UBE3D: variants seen among roughly 807,000 people sequenced by gnomAD.
UBE3D encodes E3 ubiquitin-protein ligase E3D.
Under a neutral mutation model 49.6 loss-of-function variants are expected in UBE3D, and 48 were observed. That is an observed-to-expected ratio of 0.97 (90% CI 0.77 to 1.23). UBE3D has a LOEUF of 1.23. Among genes scored for constraint, UBE3D ranks in the 50% most tolerant of loss-of-function variants. UBE3D has a pLI of 0.00. For synonymous variants in UBE3D, 189 were observed against 174.2 expected (o/e 1.08, Z -0.67); for missense variants, 452 against 468.4 (o/e 0.96, Z 0.32).
chr6:83,045,045 A>C (rs986388038), intron 3 of UBE3D, among the ~76,000 whole-genome samples: 1 of 152,174 alleles, frequency 6.6e-6, no homozygotes, highest in Non-Finnish European at 1.5e-5. Context: ...CCATAAGTAC[A>C]TCAAAACTTT....
intron 5 of UBE3D, among the ~76,000 whole-genome samples, chr6:83,035,864 G>C (rs1243796641): frequency 6.6e-6 from 1 of 152,122 alleles, no homozygotes; most frequent in Non-Finnish European, 1.5e-5. Flanking sequence ...TGGTTGTCCT[G>C]AAAGGCTCAA....
In UBE3D at chr6:82,919,969, CTG is replaced by C. The variant is rs529301456; in HGVS notation, c.1150-26929_1150-26928del. 3.3e-5 allele frequency among the ~76,000 whole-genome samples: 5 copies of C among 152,308 alleles called. 1 individual carries two copies. In the South Asian group the frequency reaches 1.0e-3, roughly 32 times the overall value. ...TCATTGAAAACACTACTTGAGAAAACTGTACATCAAGTATCACCGAATGAAAT... is the reference window on the plus strand; with the variant it reads ...TCATTGAAAACACTACTTGAGAAAACTACATCAAGTATCACCGAATGAAAT... On this transcript the variant is annotated intron_variant, in intron 9 of 9. Transcript: ENST00000369747.
At chr6:83,020,441 T>G (rs1419256572) in intron 7 of UBE3D, among the ~76,000 whole-genome samples, 1 of 151,906 alleles carries the variant, frequency 6.6e-6, no homozygotes. Context: ...CATATCAGAC[T>G]GTTAATACTG....
intron 8 of UBE3D, among the ~76,000 whole-genome samples, chr6:82,994,550 G>T (rs760567215): frequency 6.6e-6 from 1 of 152,164 alleles, no homozygotes; most frequent in Non-Finnish European, 1.5e-5. Flanking sequence ...GGGTATGATT[G>T]CAATGACCAA....
rs560992197 is a variant in UBE3D, at chr6:82,961,012, T to C, written c.1011-3562A>G. Among the ~76,000 whole-genome samples the C allele has an allele frequency of 1.5e-3, 236 of 152,300 alleles. 1 individual carries two copies. The highest frequency in any genetic ancestry group is 4.5e-3 in the Admixed American group (69 of 15,300). On this transcript the variant is annotated intron_variant, in intron 8 of 9. Transcript: ENST00000369747. ...TGAATCTCTTGCCCTGGATTGTGAA[T>C]GTTCCTTGGGAACTCATCAGTGAAT... is the stretch of plus-strand genomic sequence containing the variant.
chr6:83,029,769 G>A (rs1345718791), intron 5 of UBE3D, among the ~76,000 whole-genome samples: 1 of 152,104 alleles, frequency 6.6e-6, no homozygotes, highest in South Asian at 2.1e-4. Flanking sequence ...GCCTGGACTC[G>A]AACTGTGAAA....
intron 3 of UBE3D, among the ~76,000 whole-genome samples, chr6:83,046,681 T>TGGGGGGGGGGGGG (rs1554211672): frequency 2.0e-5 from 1 of 50,068 alleles, no homozygotes; most frequent in African/African-American, 7.4e-5. Flanking sequence ...GCGGGGGGGG[T>TGGGGGGGGGGGGG]GGGCGGTGGC....
intron 9 of UBE3D, among the ~76,000 whole-genome samples, chr6:82,942,742 A>C (rs911422626): frequency 6.6e-6 from 1 of 152,166 alleles, no homozygotes; most frequent in Non-Finnish European, 1.5e-5. Flanking sequence ...ATTTCAGAGG[A>C]TGTATGGAAA....
At chr6:82,904,399 G>C (rs766640124) in intron 9 of UBE3D, among the ~76,000 whole-genome samples, 2 of 152,200 alleles carry the variant, frequency 1.3e-5, no homozygotes, top group African/African-American at 2.4e-5. Context: ...TCAGCAGTTT[G>C]TACACTGCTA....
intron 8 of UBE3D, among the ~76,000 whole-genome samples, chr6:82,982,188 CAATA>C (rs1778159997): frequency 6.6e-6 from 1 of 152,144 alleles, no homozygotes; most frequent in African/African-American, 2.4e-5. Flanking sequence ...TATTCCCACC[CAATA>C]CTCTCAACCC....
intron 9 of UBE3D, among the ~76,000 whole-genome samples, chr6:82,901,048 G>A (rs1390272031): frequency 6.6e-6 from 1 of 152,030 alleles, no homozygotes; most frequent in African/African-American, 2.4e-5. Flanking sequence ...CACACAAAAA[G>A]AAAAATTTTG....
chr6:82,950,771 C>A lies in UBE3D; in HGVS notation c.1149+6541G>T, dbSNP rs114433743. On this transcript the variant is annotated intron_variant, in intron 9 of 9. Coordinates refer to ENST00000369747, the MANE Select transcript of UBE3D (RefSeq NM_198920.3). ...TACACACAATGGAATACTTGTCAGC[C>A]ATAAAACTCAATGAGATCTTGTCAT... Among the ~76,000 whole-genome samples, 886 of 152,222 alleles carry A rather than the reference C, an allele frequency of 5.8e-3. 12 individuals carry two copies. The highest frequency in any genetic ancestry group is 0.02 in the African/African-American group (834 of 41,538).
chr6:83,010,585 T>C (rs1005209874), intron 8 of UBE3D, among the ~76,000 whole-genome samples: 3 of 151,554 alleles, frequency 2.0e-5, no homozygotes, highest in Admixed American at 6.6e-5. Flanking sequence ...AGGACAGATA[T>C]ATACATATAA....
intron 5 of UBE3D, among the ~76,000 whole-genome samples, chr6:83,030,070 A>AT (rs921018945): frequency 2.6e-5 from 4 of 152,262 alleles, no homozygotes; most frequent in African/African-American, 9.6e-5. Flanking sequence ...ACTCCCTGCC[A>AT]TTTTTTGTGT....
intron 4 of UBE3D, among the ~76,000 whole-genome samples, chr6:83,043,085 T>C (rs1458195186): frequency 6.6e-6 from 1 of 152,230 alleles, no homozygotes; most frequent in Non-Finnish European, 1.5e-5. Context: ...GGTCTTTCTT[T>C]AATGGATAAG....
chr6:82,890,450 G>A (rs1227822259), downstream of UBE3D, among the ~76,000 whole-genome samples: 1 of 152,194 alleles, frequency 6.6e-6, no homozygotes, highest in Admixed American at 6.5e-5. Flanking sequence ...CCCAACTGTG[G>A]AAGATCCAAT....
intron 9 of UBE3D, among the ~76,000 whole-genome samples, chr6:82,918,991 T>C (rs1433519795): frequency 6.6e-6 from 1 of 152,152 alleles, no homozygotes; most frequent in Non-Finnish European, 1.5e-5. Flanking sequence ...ATCTCCATGA[T>C]TGGCCTCCTG....
In UBE3D at chr6:82,899,551, G is replaced by C. The variant is rs190423503; in HGVS notation, c.1150-6509C>G. Among the ~76,000 whole-genome samples, 7 of 152,274 alleles carry C rather than the reference G, an allele frequency of 4.6e-5. No homozygotes were observed. In the East Asian group the frequency reaches 1.4e-3, roughly 29 times the overall value. ...CTTCTAGCAGACATCTAGGTAAAAG[G>C]CCAGCAGTCCACTTACAGGATGAGA... On this transcript the variant is annotated intron_variant, in intron 9 of 9. Transcript: ENST00000369747.
chr6:83,033,671 A>C (rs1352012836), intron 5 of UBE3D, among the ~76,000 whole-genome samples: 5 of 152,098 alleles, frequency 3.3e-5, no homozygotes, highest in African/African-American at 1.2e-4. Flanking sequence ...CCATGATTGT[A>C]AGTTTCCTAA....
Sources: gnomAD v4.1 joint callset for allele counts (sites outside exome capture counted in the v4.1 genomes callset) on GRCh38, gnomAD v4.1.1 for gene constraint, MANE v1.5 for transcripts, NCBI Gene and HGNC (gene_info 2026-07-23, HGNC 2026-07-21) for gene names.